ATXN2: variants seen among roughly 807,000 people sequenced by gnomAD.
The protein encoded by ATXN2 is ataxin 2, also known as ataxin-2.
ATXN2 carries 37 observed loss-of-function variants against 138.6 expected under a neutral mutation model. The ratio of observed to expected loss-of-function variants is 0.27; its 90% CI spans 0.21 to 0.35. The LOEUF is 0.35. Ranked by LOEUF, ATXN2 falls within the 10% of genes least tolerant of loss-of-function variation. The pLI is 1.00. For synonymous variants in ATXN2, 549 were observed against 543.7 expected, an observed-to-expected ratio of 1.01 and a Z score of -0.13; for missense variants, 1,216 against 1,480.3, an observed-to-expected ratio of 0.82 and a Z score of 2.93.
chr12:111,574,563 G>C (rs1425605623), intron 1 of ATXN2, among the ~76,000 whole-genome samples: 2 of 151,912 alleles, frequency 1.3e-5, no homozygotes, highest in Non-Finnish European at 2.9e-5. Context: ...AAGTAGCTGA[G>C]ACTATACGCA....
In ATXN2 at chr12:111,598,796, G is replaced by T. The variant is rs1885075121; in HGVS notation, c.239C>A (p.Pro80His). Residue 80 changes from proline (P) to histidine (H), a missense_variant, in exon 1 of 25, where the codon CCC (proline) becomes CAC (histidine). By Grantham distance (77) the Pro-to-His change is moderately conservative. Around this residue, in one of 4 missense-constraint regions of ATXN2, gnomAD observed 401 missense variants for 528.1 expected, o/e 0.76. Transcript: ENST00000673436. The surrounding 1 kb of genome is among the most constrained non-coding windows in gnomAD (Gnocchi z 4.5). ...TGCCGACACCCACCTGCCCAGGCCG[G>T]GCCTCCCGCCGCCGGAGGTCGCCGC... ...VVAATSGGGR[P>H]GLGRGRNSNK... 4.3e-6 allele frequency: 6 copies of T among 1,391,230 alleles called. No homozygotes were observed. The highest frequency in any genetic ancestry group is 3.1e-5 in the African/African-American group (2 of 64,956). 86.2% of individuals were successfully genotyped at this position (1,391,230 alleles called of 1,614,324 possible).
At chr12:111,576,120 C>T (rs1566075040) in intron 1 of ATXN2, among the ~76,000 whole-genome samples, 1 of 139,178 alleles carries the variant, frequency 7.2e-6, no homozygotes, top group Non-Finnish European at 1.5e-5. Context: ...CATAACATAA[C>T]ATAACATAAC....
chr12:111,470,714 G>A lies in ATXN2; in HGVS notation c.2553C>T (p.Asp851=). ...GCATCATGGCACTCTGATGATGCTG[G>A]TCTTGCCGCTGTTGGGGCATATTTG... ...KVPNMPQQRQ[D]QHHQSAMMHP... The change falls in exon 19 of 25, where the codon GAC becomes GAT. Residue 851 remains aspartate, a synonymous_variant. Transcript: ENST00000673436. 1 of 1,614,098 alleles carries A rather than the reference G, an allele frequency of 6.2e-7. No homozygotes were observed.
intron 1 of ATXN2, among the ~76,000 whole-genome samples, chr12:111,561,529 A>G (rs1882687656): frequency 6.6e-6 from 1 of 151,902 alleles, no homozygotes; most frequent in Non-Finnish European, 1.5e-5. Flanking sequence ...AAATTAAAAT[A>G]CTACATAAGC....
chr12:111,540,129 T>C (rs934785087), intron 5 of ATXN2, among the ~76,000 whole-genome samples: 1 of 148,666 alleles, frequency 6.7e-6, no homozygotes. Flanking sequence ...GAGTATGAAA[T>C]AGAAATAGAA....
chr12:111,596,067 G>T (rs560342098), intron 1 of ATXN2, among the ~76,000 whole-genome samples: 5 of 152,272 alleles, frequency 3.3e-5, no homozygotes, highest in Admixed American at 2.0e-4. Flanking sequence ...AGGTGTGGTA[G>T]CACGAACCTG....
At chr12:111,595,149 A>AAGTCTTCT (rs1884872212) in intron 1 of ATXN2, among the ~76,000 whole-genome samples, 1 of 152,192 alleles carries the variant, frequency 6.6e-6, no homozygotes, top group Non-Finnish European at 1.5e-5. Flanking sequence ...GAAGTAATAC[A>AAGTCTTCT]AGTCTTCTAA....
Position 111,470,189 on chromosome 12 carries a change from G to A in ATXN2, c.2761C>T (p.Pro921Ser). The A allele has an allele frequency of 1.2e-6, 2 of 1,614,082 alleles. No individual in the cohort carries two copies. Among genetic ancestry groups the A allele is most frequent in the African/African-American group, 1.3e-5 (1 of 75,024 alleles). Residue 921 changes from proline (P) to serine (S), a missense_variant, in exon 20 of 25, where the codon CCA becomes TCA. Pro to Ser is a moderately conservative substitution (Grantham distance 74, BLOSUM62 -1). Coordinates refer to ENST00000673436, the MANE Select transcript of ATXN2 (RefSeq NM_001372574.1). ...AAACCAGGCTGGGCGTGTGTTGGTG[G>A]TGCCATCATTCTAGCATTACCCTGT... ...VIQGNARMMA[P>S]PTHAQPGLVS...
chr12:111,464,247 G>GGTGTGTGTGTGTGTGTGTGTGTGTGT (rs57717176), intron 21 of ATXN2, among the ~76,000 whole-genome samples: 3 of 134,630 alleles, frequency 2.2e-5, no homozygotes, highest in African/African-American at 8.7e-5. Flanking sequence ...TGTGGCTTGG[G>GGTGTGTGTGTGTGTGTGTGTGTGTGT]GTGTGTGTGT....
intron 1 of ATXN2, among the ~76,000 whole-genome samples, chr12:111,570,515 C>T (rs973680316): frequency 7.2e-5 from 11 of 152,028 alleles, no homozygotes; most frequent in Admixed American, 3.3e-4. Context: ...AGTGAGGACC[C>T]CCTCCAATTC....
At chr12:111,585,816 A>C (rs1485770840) in intron 1 of ATXN2, among the ~76,000 whole-genome samples, 2 of 150,434 alleles carry the variant, frequency 1.3e-5, no homozygotes, top group Non-Finnish European at 3.0e-5. Flanking sequence ...AAAAAAAAAA[A>C]AAAAAAAAAA....
intron 18 of ATXN2, among the ~76,000 whole-genome samples, chr12:111,481,499 C>T (rs1345997162): frequency 8.3e-6 from 1 of 120,306 alleles, no homozygotes; most frequent in East Asian, 1.1e-3. Flanking sequence ...ATAACCCAAA[C>T]CAAAGACATA....
At chr12:111,560,070 A>C (rs977510059) in intron 1 of ATXN2, among the ~76,000 whole-genome samples, 2 of 152,146 alleles carry the variant, frequency 1.3e-5, no homozygotes, top group Non-Finnish European at 2.9e-5. Flanking sequence ...TCAAACACTG[A>C]TCTCAGAAAC....
intron 18 of ATXN2, among the ~76,000 whole-genome samples, chr12:111,483,963 T>G (rs1184130737): frequency 6.6e-6 from 1 of 151,970 alleles, no homozygotes; most frequent in Admixed American, 6.6e-5. Context: ...TTCTATTTTT[T>G]TTTTGCAGAG....
intron 1 of ATXN2, among the ~76,000 whole-genome samples, chr12:111,562,274 A>T (rs1484155699): frequency 6.6e-6 from 1 of 152,126 alleles, no homozygotes; most frequent in Non-Finnish European, 1.5e-5. Flanking sequence ...TCTCTAAAAT[A>T]GTTTTAAAAA....
intron 18 of ATXN2, among the ~76,000 whole-genome samples, chr12:111,479,265 T>A (rs1295436543): frequency 2.6e-5 from 4 of 151,342 alleles, no homozygotes; most frequent in South Asian, 4.2e-4. Context: ...TAAAAAGGAA[T>A]AAGCTGGCTG....
chr12:111,565,146 T>C (rs1207587078), intron 1 of ATXN2, among the ~76,000 whole-genome samples: 1 of 151,046 alleles, frequency 6.6e-6, no homozygotes, highest in Non-Finnish European at 1.5e-5. Flanking sequence ...TATTAAAATT[T>C]GAGGTTGATC....
chr12:111,573,628 TA>T (rs1416251960), intron 1 of ATXN2, among the ~76,000 whole-genome samples: 3 of 152,194 alleles, frequency 2.0e-5, no homozygotes, highest in African/African-American at 7.2e-5. Context: ...CTCTTTGACC[TA>T]AAGGCAATTT....
Position 111,509,521 on chromosome 12 carries a change from C to CA in ATXN2, c.1935+27dup, listed in dbSNP as rs1183675242. On this transcript the variant is annotated intron_variant, in intron 14 of 24. Coordinates refer to ENST00000673436, the MANE Select transcript of ATXN2 (RefSeq NM_001372574.1). ...TTAGTAATGCTTATTTTCTAAAACT[C>CA]AAATTCATCAGTTAGTACAATACTT... is the stretch of plus-strand genomic sequence containing the variant. 3 of 1,274,904 alleles carry CA rather than the reference C, an allele frequency of 2.4e-6. 1 individual carries two copies. The Admixed American group carries it at 6.6e-5, about 28-fold the overall frequency. The allele number at this position is 1,274,904 out of a possible 1,614,324, so 79.0% of individuals were successfully genotyped here. A position where few individuals can be genotyped will look rare whatever the true frequency, so the allele number is the denominator to read the frequency against.
Sources: allele counts gnomAD v4.1 joint callset (sites outside exome capture counted in the v4.1 genomes callset), GRCh38; gene constraint gnomAD v4.1.1; regional missense constraint gnomAD v4.1.1; non-coding constraint Gnocchi (gnomAD v3.1); transcripts MANE v1.5; gene names NCBI Gene and HGNC (gene_info 2026-07-23, HGNC 2026-07-21).